The following SLC35F1 variants were observed in gnomAD, a reference collection of about 807,000 sequenced individuals.
SLC35F1 encodes the protein chromosome 6 open reading frame 169.
SLC35F1 carries 14 observed loss-of-function variants against 48.7 expected under a neutral mutation model. The ratio of observed to expected loss-of-function variants is 0.29; its 90% CI spans 0.19 to 0.45. The LOEUF is 0.45. SLC35F1 is among the 20% of genes least tolerant of loss of function. SLC35F1 has a pLI of 1.00. For synonymous variants in SLC35F1, 190 were observed against 202.2 expected (o/e 0.94, Z 0.51); for missense variants, 404 against 500.0 (o/e 0.81, Z 1.83).
intron 1 of SLC35F1, among the ~76,000 whole-genome samples, chr6:118,021,894 C>T (rs1777400791): frequency 6.6e-6 from 1 of 152,090 alleles, no homozygotes; most frequent in African/African-American, 2.4e-5. Context: ...TGCTGGTTGT[C>T]ACTGGGGCCT....
At chr6:118,002,784 A>T (rs546272384) in intron 1 of SLC35F1, among the ~76,000 whole-genome samples, 5 of 151,872 alleles carry the variant, frequency 3.3e-5, no homozygotes, top group Non-Finnish European at 4.4e-5. Flanking sequence ...CCTGTCTGGA[A>T]GAAAAGGCAT....
chr6:118,306,131 C>T (rs1037803050), intron 7 of SLC35F1, among the ~76,000 whole-genome samples: 3 of 152,204 alleles, frequency 2.0e-5, no homozygotes, highest in African/African-American at 4.8e-5. Context: ...ACTAAACTCC[C>T]TTCTTTGCCT....
At chr6:118,286,508 G>A (rs1776050575) in intron 7 of SLC35F1, among the ~76,000 whole-genome samples, 1 of 152,210 alleles carries the variant, frequency 6.6e-6, no homozygotes, top group Non-Finnish European at 1.5e-5. Flanking sequence ...GGGTGAAAAA[G>A]AAGTTACAAA....
intron 6 of SLC35F1, among the ~76,000 whole-genome samples, chr6:118,280,520 C>T (rs1231932582): frequency 6.6e-6 from 1 of 152,022 alleles, no homozygotes; most frequent in Non-Finnish European, 1.5e-5. Context: ...AAAGATTTGG[C>T]CTCTCCCTGA....
In SLC35F1 at chr6:117,944,592, T is replaced by TACACACAC. The variant is rs60520269; in HGVS notation, c.173+36717_173+36724dup. 8.4e-3 allele frequency among the ~76,000 whole-genome samples: 1,140 copies of TACACACAC among 135,982 alleles called. 17 individuals are homozygous for TACACACAC. The highest frequency in any genetic ancestry group is 0.028 in the African/African-American group (1,042 of 37,364). The allele number at this position is 135,982 out of a possible 152,430, so 89.2% of individuals were successfully genotyped here. A position where few individuals can be genotyped will look rare whatever the true frequency, so the allele number is the denominator to read the frequency against. ...CTCTCCCAAAACACACACATACACA[T>TACACACAC]ACACACACACACACACACACACACA... On this transcript the variant is annotated intron_variant, in intron 1 of 7. Coordinates refer to ENST00000360388, the MANE Select transcript of SLC35F1 (RefSeq NM_001029858.4).
intron 1 of SLC35F1, among the ~76,000 whole-genome samples, chr6:118,086,447 T>G (rs1331880920): frequency 2.0e-5 from 3 of 152,234 alleles, no homozygotes; most frequent in African/African-American, 7.2e-5. Context: ...AGCAGCCATG[T>G]GCTCTCTTTT....
intron 1 of SLC35F1, among the ~76,000 whole-genome samples, chr6:118,111,286 G>T (rs1347933466): frequency 6.6e-6 from 1 of 152,100 alleles, no homozygotes; most frequent in Non-Finnish European, 1.5e-5. Flanking sequence ...CTACACCCCT[G>T]TATATCATAT....
chr6:118,226,104 C>G (rs1775213495), intron 2 of SLC35F1, among the ~76,000 whole-genome samples: 1 of 152,052 alleles, frequency 6.6e-6, no homozygotes, highest in Non-Finnish European at 1.5e-5. Context: ...AAATGGCCAA[C>G]AGGTACATGA....
At chr6:118,177,545 T>A (rs9489314) in intron 2 of SLC35F1, among the ~76,000 whole-genome samples, 61,613 of 151,774 alleles carry the variant, frequency 0.41, 13,391 homozygotes, top group South Asian at 0.64. Flanking sequence ...TCCTCTTGAG[T>A]TTGAGGAAAT....
chr6:118,039,005 A>G (rs1362079276), intron 1 of SLC35F1, among the ~76,000 whole-genome samples: 3 of 152,172 alleles, frequency 2.0e-5, no homozygotes, highest in Non-Finnish European at 4.4e-5. Flanking sequence ...TTGATGTTGT[A>G]TCCTGCAACA....
chr6:118,021,492 C>T (rs2114884634), intron 1 of SLC35F1, among the ~76,000 whole-genome samples: 1 of 152,238 alleles, frequency 6.6e-6, no homozygotes, highest in Non-Finnish European at 1.5e-5. Flanking sequence ...TCTTGGCAGA[C>T]CTGGAAGAGC....
At chr6:118,233,116 C>A (rs1433123471) in intron 2 of SLC35F1, among the ~76,000 whole-genome samples, 1 of 152,160 alleles carries the variant, frequency 6.6e-6, no homozygotes, top group Non-Finnish European at 1.5e-5. Flanking sequence ...TAGGTGTGCA[C>A]CACCACACTC....
chr6:118,076,255 A>T (rs1772816443), intron 1 of SLC35F1, among the ~76,000 whole-genome samples: 1 of 152,208 alleles, frequency 6.6e-6, no homozygotes, highest in Admixed American at 6.5e-5. Flanking sequence ...TTTACATTTA[A>T]ATACTTAATT....
chr6:118,278,431 A>G (rs1775943716), intron 6 of SLC35F1, among the ~76,000 whole-genome samples: 1 of 152,184 alleles, frequency 6.6e-6, no homozygotes, highest in African/African-American at 2.4e-5. Context: ...AACACAATAA[A>G]AACATAAACT....
chr6:118,011,823 C>A (rs1207875967), intron 1 of SLC35F1, among the ~76,000 whole-genome samples: 1 of 152,092 alleles, frequency 6.6e-6, no homozygotes, highest in Non-Finnish European at 1.5e-5. Flanking sequence ...ACAGAATTAT[C>A]CAGCTCAAAT....
intron 1 of SLC35F1, among the ~76,000 whole-genome samples, chr6:118,067,246 G>T (rs555638528): frequency 1.3e-5 from 2 of 152,280 alleles, no homozygotes; most frequent in East Asian, 1.9e-4. Flanking sequence ...TTGGGGTAAA[G>T]TTGGGGAGGA....
At chr6:117,938,592 T>C (rs1267998913) in intron 1 of SLC35F1, among the ~76,000 whole-genome samples, 1 of 152,196 alleles carries the variant, frequency 6.6e-6, no homozygotes, top group Non-Finnish European at 1.5e-5. Flanking sequence ...CTAAGGCTCC[T>C]GAGAAGCTTC....
intron 1 of SLC35F1, among the ~76,000 whole-genome samples, chr6:117,962,277 A>C (rs76788824): frequency 0.014 from 2,167 of 150,306 alleles, 48 homozygotes; most frequent in African/African-American, 0.047. Context: ...AGGAAGCAGC[A>C]TAGCTCATGA....
intron 2 of SLC35F1, among the ~76,000 whole-genome samples, chr6:118,232,976 T>A (rs1268824287): frequency 6.6e-6 from 1 of 151,708 alleles, no homozygotes; most frequent in Non-Finnish European, 1.5e-5. Flanking sequence ...TTTCTGGTTT[T>A]TTTTTTTTTA....
Sources: allele counts gnomAD v4.1 joint callset (sites outside exome capture counted in the v4.1 genomes callset), GRCh38; gene constraint gnomAD v4.1.1; transcripts MANE v1.5; gene names NCBI Gene and HGNC (gene_info 2026-07-23, HGNC 2026-07-21).